The following STXBP5L variants were observed in gnomAD, a reference collection of about 807,000 sequenced individuals.
STXBP5L encodes the protein syntaxin binding protein 5L, also known as syntaxin-binding protein 5-like.
A neutral mutation model predicts 144.5 loss-of-function variants in STXBP5L; 65 were observed. The ratio of observed to expected loss-of-function variants is 0.45; its 90% CI spans 0.37 to 0.55. The LOEUF (loss-of-function observed/expected upper bound fraction) is 0.55, where lower values mean the gene tolerates loss of function less well. Ranked by LOEUF, STXBP5L falls within the 20% of genes least tolerant of loss-of-function variation. The pLI, the probability that STXBP5L is intolerant of heterozygous loss-of-function variation, is 0.00. For synonymous variants in STXBP5L, 505 were observed against 469.6 expected (o/e 1.08, Z -0.97); for missense variants, 1,298 against 1,405.5 (o/e 0.92, Z 1.22).
intron 20 of STXBP5L, among the ~76,000 whole-genome samples, chr3:121,335,077 C>T (rs184966342): frequency 1.3e-5 from 2 of 152,262 alleles, no homozygotes; most frequent in Admixed American, 1.3e-4. Flanking sequence ...AGACAAAAAG[C>T]TCCTGCAGCT....
At chr3:121,194,564 T>C (rs2047844579) in intron 9 of STXBP5L, among the ~76,000 whole-genome samples, 1 of 152,002 alleles carries the variant, frequency 6.6e-6, no homozygotes, top group South Asian at 2.1e-4. Flanking sequence ...AACAGACTGC[T>C]ATAAGAAGTG....
At chr3:121,372,263 G>A (rs1353825019) in intron 20 of STXBP5L, among the ~76,000 whole-genome samples, 1 of 152,152 alleles carries the variant, frequency 6.6e-6, no homozygotes, top group Non-Finnish European at 1.5e-5. Flanking sequence ...GCTTAGGTCA[G>A]ACTGGCTCTG....
intron 2 of STXBP5L, among the ~76,000 whole-genome samples, chr3:120,939,758 T>C (rs1710469035): frequency 6.6e-6 from 1 of 152,162 alleles, no homozygotes; most frequent in Non-Finnish European, 1.5e-5. Flanking sequence ...CTGAGAAATA[T>C]AGAAATACCT....
At chr3:121,416,023 T>C in intron 25 of STXBP5L, 55 bp downstream of exon 25, 1 of 1,385,056 alleles carries the variant, frequency 7.2e-7, no homozygotes, top group Non-Finnish European at 1.0e-6. Context: ...CGTTTCTGTG[T>C]ATGTGTATTT....
At chr3:121,254,698 A>T (rs1476013534) in intron 15 of STXBP5L, among the ~76,000 whole-genome samples, 197 bp from the exon 16 acceptor site, 4 of 152,082 alleles carry the variant, frequency 2.6e-5, no homozygotes, top group Admixed American at 2.0e-4. Flanking sequence ...AGGAATGTTT[A>T]TTTTTTTCCC....
At chr3:120,990,437 C>T (rs1942728373) in intron 3 of STXBP5L, among the ~76,000 whole-genome samples, 1 of 152,128 alleles carries the variant, frequency 6.6e-6, no homozygotes, top group African/African-American at 2.4e-5. Context: ...TGACTTTCTT[C>T]ACAGAATTGG....
rs574813207 is a variant in STXBP5L, at chr3:120,965,399, T to C, written c.287+10362T>C. On this transcript the variant is annotated intron_variant, in intron 3 of 26. Coordinates refer to ENST00000471454, the MANE Select transcript of STXBP5L (RefSeq NM_001308330.2). ...ATGGTCTTTATAATTTGGCCTGTTTTTGCAGTGGCTGATACTGGTTGTTTC... is the reference window on the plus strand; with the variant it reads ...ATGGTCTTTATAATTTGGCCTGTTTCTGCAGTGGCTGATACTGGTTGTTTC... 2.0e-5 allele frequency among the ~76,000 whole-genome samples: 3 copies of C among 152,336 alleles called. No homozygotes were observed. In the East Asian group the frequency reaches 5.8e-4, roughly 29 times the overall value.
At chr3:121,101,451 T>A (rs2043420568) in intron 5 of STXBP5L, among the ~76,000 whole-genome samples, 1 of 151,818 alleles carries the variant, frequency 6.6e-6, no homozygotes, top group South Asian at 2.1e-4. Context: ...TGCAAATCAA[T>A]AAATCACAAC....
At chr3:121,233,516 C>A in intron 11 of STXBP5L, 100 bp from the exon 12 acceptor site, 1 of 797,082 alleles carries the variant, frequency 1.3e-6, no homozygotes, top group Non-Finnish European at 1.8e-6. Flanking sequence ...CTTCTCACAT[C>A]ATTTAAATAA....
intron 19 of STXBP5L, among the ~76,000 whole-genome samples, chr3:121,284,577 C>A (rs2051168219): frequency 2.0e-5 from 3 of 152,060 alleles, no homozygotes; most frequent in Non-Finnish European, 4.4e-5. Flanking sequence ...ATATTCCCTG[C>A]ATCTAGCACA....
At chr3:120,957,249 TG>T (rs1189666317) in intron 3 of STXBP5L, among the ~76,000 whole-genome samples, 2 of 151,986 alleles carry the variant, frequency 1.3e-5, no homozygotes, top group Non-Finnish European at 2.9e-5. Flanking sequence ...AACCAGATAG[TG>T]TGAAATTTGA....
chr3:120,993,150 T>C (rs1943063198), intron 3 of STXBP5L, among the ~76,000 whole-genome samples: 1 of 152,066 alleles, frequency 6.6e-6, no homozygotes, highest in Non-Finnish European at 1.5e-5. Flanking sequence ...TGGGATTATT[T>C]ATTTGTTTGT....
At position 121,191,268 on chromosome 3, in the gene STXBP5L, G is replaced by A. The variant is rs373837740; in HGVS notation, c.878-14655G>A. On this transcript the variant is annotated intron_variant, in intron 9 of 26. Coordinates refer to ENST00000471454, the MANE Select transcript of STXBP5L (RefSeq NM_001308330.2). ...GGGCAACATTGAACACTGAGTGAGC[G>A]AGACTCCCTCTGCAATCCTGGCACC... Among the ~76,000 whole-genome samples the A allele has an allele frequency of 1.3e-4, 20 of 152,310 alleles. No homozygotes were observed. In the East Asian group the frequency reaches 2.5e-3, roughly 19 times the overall value.
chr3:120,976,080 T>C (rs1276964663), intron 3 of STXBP5L, among the ~76,000 whole-genome samples: 4 of 152,130 alleles, frequency 2.6e-5, no homozygotes, highest in South Asian at 2.1e-4. Context: ...AGGGAGGTTT[T>C]CCTCTTTTTC....
At chr3:121,247,478 C>T (rs2049892280) in intron 14 of STXBP5L, among the ~76,000 whole-genome samples, 1 of 152,272 alleles carries the variant, frequency 6.6e-6, no homozygotes, top group East Asian at 1.9e-4. Context: ...GCCTTCTCTC[C>T]CCACTCTAGT....
chr3:121,251,678 A>G (rs1022865230), intron 15 of STXBP5L, among the ~76,000 whole-genome samples: 4 of 152,200 alleles, frequency 2.6e-5, no homozygotes, highest in African/African-American at 9.6e-5. Flanking sequence ...GAACAGTCAG[A>G]AATGGAAACC....
At chr3:121,155,799 C>A (rs1049437933) in intron 8 of STXBP5L, among the ~76,000 whole-genome samples, 1 of 151,852 alleles carries the variant, frequency 6.6e-6, no homozygotes, top group African/African-American at 2.4e-5. Flanking sequence ...AAATATACTT[C>A]TTTAATAGTA....
chr3:121,134,524 T>C (rs2045151227), intron 7 of STXBP5L, among the ~76,000 whole-genome samples: 1 of 152,114 alleles, frequency 6.6e-6, no homozygotes, highest in South Asian at 2.1e-4. Flanking sequence ...CATTTAACAT[T>C]AGGTATATCT....
chr3:120,955,646 C>A (rs781290187), intron 3 of STXBP5L, among the ~76,000 whole-genome samples: 2 of 151,942 alleles, frequency 1.3e-5, no homozygotes, highest in Non-Finnish European at 2.9e-5. Flanking sequence ...TATCCATATT[C>A]TTTCACCTAC....
Sources: allele counts gnomAD v4.1 joint callset (sites outside exome capture counted in the v4.1 genomes callset), GRCh38; gene constraint gnomAD v4.1.1; transcripts MANE v1.5; gene names NCBI Gene and HGNC (gene_info 2026-07-23, HGNC 2026-07-21).